RARB: variants seen among roughly 807,000 people sequenced by gnomAD.
The protein encoded by RARB is HBV-activated protein.
RARB carries 17 observed loss-of-function variants against 51.9 expected under a neutral mutation model. The ratio of observed to expected loss-of-function variants is 0.33; its 90% CI spans 0.22 to 0.49. The LOEUF is 0.49. Among genes scored for constraint, RARB ranks in the 20% least tolerant of loss-of-function variants. RARB has a pLI of 0.99. For missense variants in RARB, 369 were observed against 550.8 expected (o/e 0.67, Z 3.30); for synonymous variants, 215 against 195.4 (o/e 1.10, Z -0.84).
intron 2 of RARB, among the ~76,000 whole-genome samples, chr3:25,478,406 C>T (rs1015916651): frequency 1.3e-5 from 2 of 152,172 alleles, no homozygotes; most frequent in African/African-American, 4.8e-5. Flanking sequence ...GTGGCTTGTT[C>T]TTGAGAGCCT....
intron 2 of RARB, among the ~76,000 whole-genome samples, chr3:25,047,716 T>TTTG (rs1356575403): frequency 6.6e-6 from 1 of 152,204 alleles, no homozygotes; most frequent in Non-Finnish European, 1.5e-5. Flanking sequence ...GCTCAACAAA[T>TTTG]TTGAACCTAA....
chr3:25,407,253 C>T (rs976527974), intron 5 of RARB, among the ~76,000 whole-genome samples: 4 of 152,080 alleles, frequency 2.6e-5, no homozygotes, highest in African/African-American at 7.2e-5. Context: ...AACAAACAGA[C>T]GGGGGTACTA....
intron 2 of RARB, among the ~76,000 whole-genome samples, chr3:24,897,768 T>C (rs1392122076): frequency 6.6e-6 from 1 of 151,408 alleles, no homozygotes; most frequent in Non-Finnish European, 1.5e-5. Context: ...TTTTTTTTCT[T>C]AAATGTTTTG....
At chr3:25,573,426 CAG>C (rs1338611896) in intron 4 of RARB, among the ~76,000 whole-genome samples, 1 of 152,174 alleles carries the variant, frequency 6.6e-6, no homozygotes, top group African/African-American at 2.4e-5. Context: ...GGCAGAAAAA[CAG>C]AAACACGATT....
intron 3 of RARB, among the ~76,000 whole-genome samples, chr3:25,061,767 G>T (rs12632128): frequency 0.5 from 75,688 of 151,498 alleles, 19,776 homozygotes; most frequent in East Asian, 0.61. Context: ...AATGACTATG[G>T]TTTACAATTT....
intron 3 of RARB, among the ~76,000 whole-genome samples, chr3:25,080,541 G>A (rs1323563942): frequency 6.6e-6 from 1 of 152,156 alleles, no homozygotes; most frequent in South Asian, 2.1e-4. Flanking sequence ...TAAGAAAAAT[G>A]TGATGGTTCC....
chr3:25,443,555 G>C (rs1402146479), intron 1 of RARB, among the ~76,000 whole-genome samples: 1 of 151,688 alleles, frequency 6.6e-6, no homozygotes, highest in Non-Finnish European at 1.5e-5. Flanking sequence ...GGAGGTTGCA[G>C]TGAGCCAAGA....
chr3:24,870,930 G>T (rs561211681), intron 2 of RARB, among the ~76,000 whole-genome samples: 1 of 151,778 alleles, frequency 6.6e-6, no homozygotes, highest in South Asian at 2.1e-4. Context: ...TATACAGTAC[G>T]TTATTGTTGA....
chr3:25,276,433 TACAA>T (rs1703384674), intron 5 of RARB, among the ~76,000 whole-genome samples: 1 of 152,212 alleles, frequency 6.6e-6, no homozygotes, highest in Non-Finnish European at 1.5e-5. Context: ...TTGTGTTCAT[TACAA>T]ACAAAATACT....
intron 5 of RARB, among the ~76,000 whole-genome samples, chr3:25,201,612 C>T (rs762685374): frequency 6.6e-6 from 1 of 152,122 alleles, no homozygotes; most frequent in Non-Finnish European, 1.5e-5. Context: ...CCCATCAATA[C>T]CTAATTTATT....
At chr3:25,402,053 GGAGTGAGCCACT>G (rs1707277665) in intron 5 of RARB, among the ~76,000 whole-genome samples, 1 of 152,114 alleles carries the variant, frequency 6.6e-6, no homozygotes, top group Non-Finnish European at 1.5e-5. Flanking sequence ...TGGCATTACA[GGAGTGAGCCACT>G]GCACCCAGCC....
chr3:25,552,973 A>C (rs1478275267), intron 3 of RARB, among the ~76,000 whole-genome samples: 3 of 152,196 alleles, frequency 2.0e-5, no homozygotes, highest in African/African-American at 7.2e-5. Flanking sequence ...AATTAATGAC[A>C]TACCTTTTAA....
intron 5 of RARB, among the ~76,000 whole-genome samples, chr3:25,375,812 C>A (rs893977832): frequency 6.6e-6 from 1 of 152,270 alleles, no homozygotes; most frequent in East Asian, 1.9e-4. Context: ...CAGCCACAAT[C>A]AGCCATACCA....
chr3:24,957,507 G>C (rs1269336365), intron 2 of RARB, among the ~76,000 whole-genome samples: 7 of 152,146 alleles, frequency 4.6e-5, no homozygotes, highest in Non-Finnish European at 8.8e-5. Context: ...CAAAGAAAAA[G>C]ATCCAGTGTA....
At chr3:25,416,271 C>T (rs1048116812) in intron 5 of RARB, among the ~76,000 whole-genome samples, 2 of 152,176 alleles carry the variant, frequency 1.3e-5, no homozygotes, top group Non-Finnish European at 2.9e-5. Context: ...TGCCTGTAGT[C>T]CCAGCTACTT....
chr3:25,535,021 A>T (rs1199852610), intron 3 of RARB, among the ~76,000 whole-genome samples: 1 of 152,202 alleles, frequency 6.6e-6, no homozygotes, highest in Non-Finnish European at 1.5e-5. Flanking sequence ...AGCAAACTGG[A>T]TGTATTGCAT....
intron 2 of RARB, among the ~76,000 whole-genome samples, chr3:24,896,618 A>G (rs1391044405): frequency 6.6e-6 from 1 of 152,204 alleles, no homozygotes; most frequent in Non-Finnish European, 1.5e-5. Flanking sequence ...TGATGGTTCC[A>G]TAACATCATG....
chr3:24,886,113 A>T (rs1430796786), intron 2 of RARB, among the ~76,000 whole-genome samples: 1 of 152,182 alleles, frequency 6.6e-6, no homozygotes, highest in African/African-American at 2.4e-5. Flanking sequence ...AGGTCTCTGT[A>T]GAATATTCCC....
rs111368958 is a variant in RARB, at chr3:25,014,705, G to T, written c.-379-45420G>T. 7.1e-3 allele frequency among the ~76,000 whole-genome samples: 1,088 copies of T among 152,198 alleles called. 6 individuals carry two copies. Among genetic ancestry groups the T allele is most frequent in the Non-Finnish European group, 0.012 (792 of 68,008 alleles). On this transcript the variant is annotated intron_variant, in intron 2 of 11. Coordinates refer to the RARB transcript ENST00000383772. ...TGGTGGGATAGTTTTCTATCCAGCA[G>T]TAGAGGACTGGCATAGTCTTGTAAC...
Sources: allele counts gnomAD v4.1 joint callset (sites outside exome capture counted in the v4.1 genomes callset), GRCh38; gene constraint gnomAD v4.1.1; transcripts MANE v1.5; gene names NCBI Gene and HGNC (gene_info 2026-07-23, HGNC 2026-07-21).